ASAP1: variants seen among roughly 807,000 people sequenced by gnomAD.
The protein encoded by ASAP1 is arf-GAP with SH3 domain, ANK repeat and PH domain-containing protein 1.
A neutral mutation model predicts 145.2 loss-of-function variants in ASAP1; 43 were observed. The observed-to-expected ratio is 0.30, with a 90% CI of 0.23 to 0.38. The LOEUF (loss-of-function observed/expected upper bound fraction) is 0.38. Among genes scored for constraint, ASAP1 ranks in the 10% least tolerant of loss-of-function variants. The probability of loss-of-function intolerance (pLI) is 1.00; values close to 1 mark genes in which losing one functional copy is unlikely to be tolerated. For missense variants in ASAP1, 1,018 were observed against 1,355.3 expected (o/e 0.75, Z 3.91); for synonymous variants, 546 against 515.5 (o/e 1.06, Z -0.80).
At chr8:130,096,340 G>A (rs1564953521) in intron 24 of ASAP1, among the ~76,000 whole-genome samples, 1 of 152,080 alleles carries the variant, frequency 6.6e-6, no homozygotes, top group Non-Finnish European at 1.5e-5. Flanking sequence ...AAAGAAAGCT[G>A]AAACAAAATA....
In ASAP1 at chr8:130,414,887, G is replaced by A. The variant is rs563559968; in HGVS notation, c.-27-12917C>T. On this transcript the variant is annotated intron_variant, in intron 1 of 29. Coordinates refer to ENST00000518721, the MANE Select transcript of ASAP1 (RefSeq NM_018482.4). ...TTTTCCTGCCTCAGCGTCCTAAGTA[G>A]CCAGGATTATGGGCATACGCCACCA... Among the ~76,000 whole-genome samples the A allele has an allele frequency of 7.2e-5, 11 of 151,954 alleles. 1 individual carries two copies. The South Asian group carries it at 1.9e-3, about 26-fold the overall frequency.
intron 1 of ASAP1, among the ~76,000 whole-genome samples, chr8:130,407,833 T>C (rs114677504): frequency 0.01 from 1,585 of 152,306 alleles, 22 homozygotes; most frequent in African/African-American, 0.037. Flanking sequence ...CCACGAATGT[T>C]GGGATTTGTA....
intron 3 of ASAP1, among the ~76,000 whole-genome samples, chr8:130,330,713 G>C (rs1209969914): frequency 6.6e-6 from 1 of 152,204 alleles, no homozygotes. Flanking sequence ...TTAAATGTGT[G>C]TAGGTATCTC....
chr8:130,074,169 T>C (rs1809398145), intron 27 of ASAP1, among the ~76,000 whole-genome samples: 3 of 152,098 alleles, frequency 2.0e-5, no homozygotes, highest in Admixed American at 2.0e-4. Context: ...CACTGGGTAT[T>C]TGATGATATT....
intron 1 of ASAP1, among the ~76,000 whole-genome samples, chr8:130,438,304 G>C (rs1213808176): frequency 6.6e-6 from 1 of 152,210 alleles, no homozygotes; most frequent in Non-Finnish European, 1.5e-5. Context: ...GGGGCCACCA[G>C]TGCGCCAGGC....
chr8:130,416,925 A>C (rs1229420127), intron 1 of ASAP1, among the ~76,000 whole-genome samples: 1 of 152,246 alleles, frequency 6.6e-6, no homozygotes, highest in Non-Finnish European at 1.5e-5. Flanking sequence ...ATCTTGAATG[A>C]CTATGACCCA....
At chr8:130,182,850 A>AAAAAAAAAAAC (rs397974926) in intron 7 of ASAP1, among the ~76,000 whole-genome samples, 1 of 141,924 alleles carries the variant, frequency 7.0e-6, no homozygotes, top group Non-Finnish European at 1.6e-5. Flanking sequence ...AAAAAAAAAA[A>AAAAAAAAAAAC]CCCAACTGAG....
At chr8:130,303,503 A>G (rs1229398986) in intron 3 of ASAP1, among the ~76,000 whole-genome samples, 1 of 152,126 alleles carries the variant, frequency 6.6e-6, no homozygotes, top group Admixed American at 6.5e-5. Context: ...CAGAGAAGTA[A>G]TCAAGATGTC....
chr8:130,437,638 G>A (rs1830359490), intron 1 of ASAP1, among the ~76,000 whole-genome samples: 1 of 152,214 alleles, frequency 6.6e-6, no homozygotes, highest in African/African-American at 2.4e-5. Flanking sequence ...CAATGAAATA[G>A]GCACACAGTG....
At chr8:130,228,512 G>A (rs1405967707) in intron 4 of ASAP1, among the ~76,000 whole-genome samples, 1 of 151,858 alleles carries the variant, frequency 6.6e-6, no homozygotes, top group Non-Finnish European at 1.5e-5. Context: ...ACCAGCCTGG[G>A]AAACACGGCA....
At chr8:130,347,267 C>G (rs1371742995) in intron 3 of ASAP1, among the ~76,000 whole-genome samples, 1 of 152,204 alleles carries the variant, frequency 6.6e-6, no homozygotes, top group Non-Finnish European at 1.5e-5. Flanking sequence ...ACCACATCAG[C>G]AAAGCTAAAA....
At position 130,128,066 on chromosome 8, in the gene ASAP1, G is replaced by A. The variant is rs759958424; in HGVS notation, c.1242C>T (p.Ser414=). 6.3e-7 allele frequency: 1 copy of A among 1,590,952 alleles called. No individual in the cohort carries two copies. Among genetic ancestry groups the A allele is most frequent in the Non-Finnish European group, 8.6e-7 (1 of 1,169,462 alleles). The change falls in exon 16 of 30, where the codon AGC becomes AGT. Residue 414 remains serine (S), a synonymous_variant. Coordinates refer to ENST00000518721, the MANE Select transcript of ASAP1 (RefSeq NM_018482.4). ...AGGCCATGGTTAGGGCCTCTTCTTT[G>A]CTATTTGTCAATACTGATATCCATC... is the stretch of plus-strand genomic sequence containing the variant. ...YVAWISVLTN[S]KEEALTMAFR...
chr8:130,354,913 C>T (rs1184101239), intron 3 of ASAP1, among the ~76,000 whole-genome samples: 1 of 152,192 alleles, frequency 6.6e-6, no homozygotes, highest in Non-Finnish European at 1.5e-5. Context: ...TGAGACGTAG[C>T]CTCACTCTGT....
At chr8:130,195,672 TCAAA>T (rs749254780) in intron 5 of ASAP1, among the ~76,000 whole-genome samples, 31 of 152,260 alleles carry the variant, frequency 2.0e-4, no homozygotes, top group South Asian at 4.1e-4. Context: ...TTGGAGTAAA[TCAAA>T]CAGAGGGAGG....
intron 1 of ASAP1, among the ~76,000 whole-genome samples, chr8:130,442,855 G>A (rs899094680): frequency 3.3e-5 from 5 of 152,066 alleles, no homozygotes; most frequent in African/African-American, 1.2e-4. Context: ...AACGCAGCAG[G>A]TCCCAAAATG....
chr8:130,164,705 A>C (rs1386209243), intron 11 of ASAP1, among the ~76,000 whole-genome samples: 1 of 152,224 alleles, frequency 6.6e-6, no homozygotes, highest in East Asian at 1.9e-4. Context: ...TTTATTTGCT[A>C]AGACAATAAA....
At chr8:130,102,030 G>A (rs995538536) in intron 24 of ASAP1, among the ~76,000 whole-genome samples, 4 of 152,050 alleles carry the variant, frequency 2.6e-5, no homozygotes, top group Non-Finnish European at 4.4e-5. Flanking sequence ...AGAAGATCAT[G>A]TCATCTGAAA....
At position 130,116,555 on chromosome 8, in the gene ASAP1, T is replaced by G. The variant is rs902960850; in HGVS notation, c.2064+123A>C. On this transcript the variant is annotated intron_variant, in intron 22 of 29. Coordinates refer to ENST00000518721, the MANE Select transcript of ASAP1 (RefSeq NM_018482.4). ...CTAATGTAGCACATTGCTCATCTGATTTTCTTTAGCAAGTGTTAAAAAAAA... is the reference window on the plus strand; with the variant it reads ...CTAATGTAGCACATTGCTCATCTGAGTTTCTTTAGCAAGTGTTAAAAAAAA... The G allele has an allele frequency of 1.9e-5, 16 of 824,292 alleles. No individual in the cohort carries two copies. In the African/African-American group the frequency reaches 2.6e-4, roughly 13 times the overall value. The allele number at this position is 824,292 out of a possible 1,614,324, so 51.1% of individuals were successfully genotyped here.
intron 27 of ASAP1, among the ~76,000 whole-genome samples, chr8:130,072,831 G>GCGCGCGCGCGCGCGCGCGCA (rs58907739): frequency 9.0e-6 from 1 of 110,704 alleles, no homozygotes; most frequent in Non-Finnish European, 2.0e-5. Context: ...GTGTGCGCGC[G>GCGCGCGCGCGCGCGCGCGCA]GGGGGGGGCA....
Sources: allele counts gnomAD v4.1 joint callset (sites outside exome capture counted in the v4.1 genomes callset), GRCh38; gene constraint gnomAD v4.1.1; transcripts MANE v1.5; gene names NCBI Gene and HGNC (gene_info 2026-07-23, HGNC 2026-07-21).